MOB4: variants seen among roughly 807,000 people sequenced by gnomAD.
MOB4 encodes MOB-like protein phocein.
Under a neutral mutation model 32.2 loss-of-function variants are expected in MOB4, and 4 were observed. The observed-to-expected ratio is 0.12, with a 90% CI of 0.06 to 0.28. The LOEUF is 0.28. Among genes scored for constraint, MOB4 ranks in the 10% least tolerant of loss-of-function variants. The pLI, the probability that MOB4 is intolerant of heterozygous loss-of-function variation, is 1.00. For synonymous variants in MOB4, 88 were observed against 88.1 expected (o/e 1.00, Z 0.01); for missense variants, 158 against 271.2 (o/e 0.58, Z 2.93).
chr2:197,516,657 TCTC>T (rs751704871), intron 1 of MOB4: 21 of 471,864 alleles, frequency 4.5e-5, no homozygotes, highest in South Asian at 2.8e-4. Context: ...GTGCCGATAT[TCTC>T]CTCCTTGTTT....
At chr2:197,539,977 C>A in intron 3 of MOB4, 134 bp from the exon 4 acceptor site, 1 of 842,916 alleles carries the variant, frequency 1.2e-6, no homozygotes, top group South Asian at 3.0e-5. Flanking sequence ...GTGTCATTGT[C>A]AGTTTAGGTG....
In MOB4 at chr2:197,532,615, A is replaced by G. The variant is rs544077701; in HGVS notation, c.124-2915A>G. On this transcript the variant is annotated intron_variant, in intron 2 of 7. Coordinates refer to ENST00000323303, the MANE Select transcript of MOB4 (RefSeq NM_015387.5). The stretch of plus-strand genomic sequence containing the variant: ...GCAGGAGAATTGCTTGAACCCAGGA[A>G]GCAGAGGTTGCAGTGAGCCGAGATA... Among the ~76,000 whole-genome samples, 453 of 152,070 alleles carry G rather than the reference A, an allele frequency of 3.0e-3. 3 individuals are homozygous for G. Among genetic ancestry groups the G allele is most frequent in the South Asian group, 0.013 (64 of 4,812 alleles).
chr2:197,520,184 CTTT>C (rs765434673), intron 1 of MOB4, among the ~76,000 whole-genome samples: 1 of 141,290 alleles, frequency 7.1e-6, no homozygotes. Context: ...TGCACTTAAA[CTTT>C]TTTTTTTTTT....
chr2:197,528,776 C>T (rs1367145918), intron 2 of MOB4, among the ~76,000 whole-genome samples: 4 of 151,518 alleles, frequency 2.6e-5, no homozygotes, highest in Admixed American at 6.6e-5. Context: ...CCATCACCCC[C>T]GGCTAATTTT....
chr2:197,516,680 C>T lies in MOB4; in HGVS notation c.60+534C>T, dbSNP rs190413864. On this transcript the variant is annotated intron_variant, in intron 1 of 7. Transcript: ENST00000323303. ...ATTCTCCTCCTTGTTTCCCTTTGAC[C>T]ACCTCTCCCTGCCGCTTTCCCTGGA... The T allele has an allele frequency of 1.1e-3, 501 of 471,572 alleles. 8 individuals are homozygous for T. The Middle Eastern group carries it at 0.042, about 39-fold the overall frequency. The allele number at this position is 471,572 out of a possible 1,614,324, so 29.2% of individuals were successfully genotyped here.
chr2:197,540,659 A>G (rs1022457288), intron 5 of MOB4, among the ~76,000 whole-genome samples: 5 of 152,230 alleles, frequency 3.3e-5, no homozygotes, highest in Admixed American at 2.6e-4. Context: ...AACTCACTTC[A>G]TGATCCACTG....
At chr2:197,536,924 G>C (rs992502864) in intron 3 of MOB4, among the ~76,000 whole-genome samples, 3 of 151,392 alleles carry the variant, frequency 2.0e-5, no homozygotes, top group Non-Finnish European at 4.4e-5. Context: ...TGTTTCTGTA[G>C]AGATGGGGTC....
chr2:197,528,956 C>G (rs2106114116), intron 2 of MOB4, among the ~76,000 whole-genome samples: 2 of 151,344 alleles, frequency 1.3e-5, no homozygotes, highest in East Asian at 3.9e-4. Context: ...TGAAGAACTT[C>G]CTTTAGTAAT....
At chr2:197,534,284 C>T (rs910283519) in intron 2 of MOB4, among the ~76,000 whole-genome samples, 13 of 152,138 alleles carry the variant, frequency 8.5e-5, no homozygotes, top group East Asian at 1.9e-4. Flanking sequence ...TCTGTTCTAA[C>T]GTATTTAGAC....
At chr2:197,548,684 T>G (rs1408665192) in intron 6 of MOB4, among the ~76,000 whole-genome samples, 3 of 152,122 alleles carry the variant, frequency 2.0e-5, no homozygotes, top group Admixed American at 6.6e-5. Context: ...GTTAATGCAT[T>G]TTTGTATTTT....
At chr2:197,544,612 G>A (rs2086959898) in intron 5 of MOB4, among the ~76,000 whole-genome samples, 1 of 152,028 alleles carries the variant, frequency 6.6e-6, no homozygotes, top group South Asian at 2.1e-4. Context: ...AATTACCCGG[G>A]CGCTGTGGCG....
At chr2:197,521,674 G>A (rs184013047) in intron 1 of MOB4, among the ~76,000 whole-genome samples, 2,216 of 152,300 alleles carry the variant, frequency 0.015, 15 homozygotes, top group Non-Finnish European at 0.024. Context: ...CTTTCCCAGG[G>A]ATGTTCCTTG....
At chr2:197,537,674 G>A (rs1038339033) in intron 3 of MOB4, among the ~76,000 whole-genome samples, 5 of 152,142 alleles carry the variant, frequency 3.3e-5, no homozygotes, top group Non-Finnish European at 7.3e-5. Context: ...CAAAGTACGA[G>A]TCTGTAGATA....
intron 2 of MOB4, among the ~76,000 whole-genome samples, chr2:197,529,992 T>C (rs1430318461): frequency 6.6e-6 from 1 of 151,988 alleles, no homozygotes; most frequent in Non-Finnish European, 1.5e-5. Flanking sequence ...ATTTTTGAAA[T>C]GGAGTCTCAC....
chr2:197,516,741 T>A (rs1309912997), intron 1 of MOB4: 1 of 471,550 alleles, frequency 2.1e-6, no homozygotes, highest in East Asian at 6.9e-5. Context: ...CATCACTAAG[T>A]TGTGACTTGT....
At chr2:197,541,433 T>C (rs1249659154) in intron 5 of MOB4, among the ~76,000 whole-genome samples, 2 of 152,232 alleles carry the variant, frequency 1.3e-5, no homozygotes, top group Admixed American at 6.5e-5. Context: ...GGTCATTATA[T>C]TGATAGACTT....
intron 2 of MOB4, among the ~76,000 whole-genome samples, chr2:197,528,746 G>A (rs2086650856): frequency 6.6e-6 from 1 of 150,950 alleles, no homozygotes; most frequent in African/African-American, 2.4e-5. Flanking sequence ...CTCCCGAGTA[G>A]CTGGGACTAC....
chr2:197,549,282 C>T (rs2087053119), intron 6 of MOB4, among the ~76,000 whole-genome samples: 1 of 151,872 alleles, frequency 6.6e-6, no homozygotes, highest in African/African-American at 2.4e-5. Flanking sequence ...TATCCTTGCT[C>T]ATTGATTTTT....
At chr2:197,536,297 A>G (rs995606872) in intron 3 of MOB4, among the ~76,000 whole-genome samples, 1 of 151,826 alleles carries the variant, frequency 6.6e-6, no homozygotes, top group African/African-American at 2.4e-5. Flanking sequence ...TCTGTCTCCC[A>G]TGCTGAAGCA....
Sources: allele counts gnomAD v4.1 joint callset (sites outside exome capture counted in the v4.1 genomes callset), GRCh38; gene constraint gnomAD v4.1.1; transcripts MANE v1.5; gene names NCBI Gene and HGNC (gene_info 2026-07-23, HGNC 2026-07-21).